ACOT7: variants seen among roughly 807,000 people sequenced by gnomAD.
ACOT7 encodes acyl-CoA thioesterase 7, also known as cytosolic acyl coenzyme A thioester hydrolase.
A neutral mutation model predicts 40.2 loss-of-function variants in ACOT7; 12 were observed. That is an observed-to-expected ratio of 0.30 (90% CI 0.19 to 0.48). ACOT7 has a LOEUF of 0.48. Among genes scored for constraint, ACOT7 ranks in the 20% least tolerant of loss-of-function variants. The pLI, the probability that ACOT7 is intolerant of heterozygous loss-of-function variation, is 0.99. For missense variants in ACOT7, 395 were observed against 530.8 expected (o/e 0.74, Z 2.51); for synonymous variants, 228 against 219.5 (o/e 1.04, Z -0.34).
intron 1 of ACOT7, 138 bp downstream of exon 1, chr1:6,393,119 G>A: frequency 1.0e-6 from 1 of 1,000,338 alleles, no homozygotes; most frequent in Non-Finnish European, 1.2e-6. Context: ...GTCCGGGGCG[G>A]CGGCGCGGAA....
At chr1:6,281,054 A>G in intron 8 of ACOT7, 48 bp downstream of exon 8, 3 of 1,588,116 alleles carry the variant, frequency 1.9e-6, no homozygotes, top group South Asian at 1.1e-5. Context: ...CAGGGACCCT[A>G]GGGCTGCCTG....
At chr1:6,371,465 C>T (rs1202521347) in intron 1 of ACOT7, among the ~76,000 whole-genome samples, 2 of 150,496 alleles carry the variant, frequency 1.3e-5, no homozygotes, top group Non-Finnish European at 3.0e-5. Flanking sequence ...TGGGCTCAAG[C>T]GATTCTCCTG....
At chr1:6,360,716 A>G (rs1162189580) in intron 1 of ACOT7, 7 of 1,612,534 alleles carry the variant, frequency 4.3e-6, no homozygotes, top group Non-Finnish European at 5.9e-6. Context: ...TCAAGGAATG[A>G]GCCTGGGCCC....
chr1:6,265,269 G>A (rs549142878), intron 8 of ACOT7, among the ~76,000 whole-genome samples: 1 of 151,906 alleles, frequency 6.6e-6, no homozygotes, highest in African/African-American at 2.4e-5. Context: ...CGTGGGGAAA[G>A]CCAGCTGCAC....
chr1:6,368,966 A>C (rs1642073305), intron 1 of ACOT7, among the ~76,000 whole-genome samples: 1 of 152,152 alleles, frequency 6.6e-6, no homozygotes. Context: ...ATCTTCCCCA[A>C]GACTACATTC....
chr1:6,373,580 C>G (rs1483848588), intron 1 of ACOT7, among the ~76,000 whole-genome samples: 1 of 151,910 alleles, frequency 6.6e-6, no homozygotes, highest in Non-Finnish European at 1.5e-5. Context: ...GAAGGCAGGA[C>G]CTGGCTGGGA....
intron 1 of ACOT7, among the ~76,000 whole-genome samples, chr1:6,365,692 C>T (rs578007033): frequency 1.1e-3 from 163 of 151,150 alleles, no homozygotes; most frequent in African/African-American, 3.8e-3. Context: ...GGCGTAAACC[C>T]GGGAGGCGGA....
chr1:6,349,593 C>A (rs58484986), intron 2 of ACOT7, among the ~76,000 whole-genome samples, 156 bp downstream of exon 2: 2 of 152,086 alleles, frequency 1.3e-5, no homozygotes, highest in African/African-American at 4.8e-5. Context: ...TCTGAGGGTC[C>A]GGTGCAGAAA....
In ACOT7 at chr1:6,385,608, C is replaced by T. The variant is rs529640665; in HGVS notation, c.143+7649G>A. The T allele has an allele frequency of 3.1e-6, 5 of 1,612,382 alleles. No homozygotes were observed. In the Admixed American group the frequency reaches 5.0e-5, roughly 16 times the overall value. ...ACATCCCTGGCCAGCCACCAGCCTC[C>T]TGGAAGATGCCTGCCTCCCAAACTC... is the stretch of plus-strand genomic sequence containing the variant. On this transcript the variant is annotated intron_variant, in intron 1 of 8. Transcript: ENST00000361521.
chr1:6,265,904 G>A (rs1052612376), intron 8 of ACOT7, among the ~76,000 whole-genome samples: 10 of 152,184 alleles, frequency 6.6e-5, no homozygotes, highest in South Asian at 2.1e-4. Flanking sequence ...AAGAGAGAGC[G>A]CAGTCAGCCA....
intron 4 of ACOT7, among the ~76,000 whole-genome samples, chr1:6,333,045 C>T (rs912929230): frequency 3.3e-5 from 5 of 152,122 alleles, no homozygotes; most frequent in African/African-American, 1.2e-4. Flanking sequence ...ACAGCTGGCC[C>T]GGCCCCCGCA....
rs904409672 is a variant in ACOT7 at position 6,393,410 on chromosome 1, G to A, written c.-11C>T. The A allele has an allele frequency of 9.0e-6, 11 of 1,227,216 alleles. No individual in the cohort carries two copies. The Admixed American group carries it at 1.7e-4, about 19-fold the overall frequency. The allele number at this position is 1,227,216 out of a possible 1,614,324, so 76.0% of individuals were successfully genotyped here. ...CCCGGGCCGCGCCATAAAGGGGGAG[G>A]GCAGAGGTGGAGCGATGGGGCTGGT... On this transcript the variant is annotated 5_prime_UTR_variant, in exon 1 of 9. Transcript: ENST00000361521.
At position 6,349,841 on chromosome 1, in the gene ACOT7, C is replaced by T. The variant is rs146315441; in HGVS notation, c.169G>A (p.Val57Met). 25 of 1,614,040 alleles carry T rather than the reference C, an allele frequency of 1.5e-5. No homozygotes were observed. Among genetic ancestry groups the T allele is most frequent in the Middle Eastern group, 1.6e-4 (1 of 6,084 alleles). ...GTCCCCCCGTGGACATTGCCGGCCA[C>T]GTTGGCATCATCTGGCCGCATGATC... The part of the protein sequence containing the change: ...CRIMRPDDAN[V>M]AGNVHGGTIL... Residue 57 changes from valine (V) to methionine (M), a missense_variant, in exon 2 of 9, where the codon GTG becomes ATG. Physicochemically the swap from Val to Met is conservative, Grantham distance 21. This residue lies in a region of ACOT7 where 309 missense variants were observed against 470.3 expected (regional missense o/e 0.66). Coordinates refer to ENST00000361521, the MANE Select transcript of ACOT7 (RefSeq NM_007274.4).
chr1:6,378,024 C>T (rs1177272763), intron 1 of ACOT7, among the ~76,000 whole-genome samples: 3 of 152,028 alleles, frequency 2.0e-5, no homozygotes, highest in East Asian at 1.9e-4. Flanking sequence ...GAGCCCAGAT[C>T]GCACCACTGC....
At chr1:6,361,593 G>A (rs1307961780) in intron 1 of ACOT7, among the ~76,000 whole-genome samples, 1 of 151,972 alleles carries the variant, frequency 6.6e-6, no homozygotes, top group East Asian at 1.9e-4. Flanking sequence ...GAGGTGAGGA[G>A]TTTTGACACC....
At chr1:6,298,135 G>A (rs550264853) in intron 6 of ACOT7, among the ~76,000 whole-genome samples, 6 of 152,122 alleles carry the variant, frequency 3.9e-5, no homozygotes, top group South Asian at 2.1e-4. Context: ...CAGCATCCCC[G>A]TCTTTCTTTT....
chr1:6,362,788 G>A (rs112521685), intron 1 of ACOT7, among the ~76,000 whole-genome samples: 7,347 of 152,182 alleles, frequency 0.048, 233 homozygotes, highest in African/African-American at 0.08. Context: ...GGTCGTGCAC[G>A]CCTGTAATCC....
chr1:6,360,601 C>A lies in ACOT7; in HGVS notation c.144-10735G>T, dbSNP rs146144846. The A allele has an allele frequency of 1.1e-3, 1,835 of 1,614,226 alleles. 3 individuals carry two copies. Among genetic ancestry groups the A allele is most frequent in the Non-Finnish European group, 1.5e-3 (1,733 of 1,180,042 alleles). On this transcript the variant is annotated intron_variant, in intron 1 of 8. Coordinates refer to ENST00000361521, the MANE Select transcript of ACOT7 (RefSeq NM_007274.4). ...GCCTTCTCCCCAAAACAGGCCCTGT[C>A]GACTTCCTTTCTGAGGACGTTTAGT... is the stretch of plus-strand genomic sequence containing the variant.
At chr1:6,293,358 TATG>T (rs1639726262) in intron 7 of ACOT7, among the ~76,000 whole-genome samples, 1 of 152,184 alleles carries the variant, frequency 6.6e-6, no homozygotes, top group South Asian at 2.1e-4. Context: ...TAGCATGGAA[TATG>T]ATGCCACAGA....
Sources: allele counts gnomAD v4.1 joint callset (sites outside exome capture counted in the v4.1 genomes callset), GRCh38; gene constraint gnomAD v4.1.1; regional missense constraint gnomAD v4.1.1; transcripts MANE v1.5; gene names NCBI Gene and HGNC (gene_info 2026-07-23, HGNC 2026-07-21).